The following KHDC1 variants were observed in gnomAD, a reference collection of about 807,000 sequenced individuals.
KHDC1 encodes KH homology domain-containing protein 1.
KHDC1 carries 21 observed loss-of-function variants against 24.7 expected under a neutral mutation model. That is an observed-to-expected ratio of 0.85 (90% CI 0.60 to 1.23). The LOEUF (loss-of-function observed/expected upper bound fraction) is 1.23. KHDC1 is among the 50% of genes most tolerant of loss of function. The probability of loss-of-function intolerance (pLI) is 0.00; values close to 1 mark genes in which losing one functional copy is unlikely to be tolerated. For synonymous variants in KHDC1, 98 were observed against 111.7 expected, an observed-to-expected ratio of 0.88 and a Z score of 0.77; for missense variants, 274 against 298.5, an observed-to-expected ratio of 0.92 and a Z score of 0.61.
chr6:73,258,428 G>A (rs918749560), intron 2 of KHDC1, among the ~76,000 whole-genome samples: 3 of 151,946 alleles, frequency 2.0e-5, no homozygotes, highest in East Asian at 1.9e-4. Flanking sequence ...AGGTGACAGA[G>A]AGAGACCCTG....
intron 2 of KHDC1, among the ~76,000 whole-genome samples, chr6:73,281,242 G>GCTACT (rs1767400251): frequency 6.6e-6 from 1 of 152,028 alleles, no homozygotes; most frequent in Non-Finnish European, 1.5e-5. Flanking sequence ...AGGAGGCTAA[G>GCTACT]GCAGGAGAAT....
intron 2 of KHDC1, among the ~76,000 whole-genome samples, chr6:73,282,690 G>T (rs569174628): frequency 2.3e-4 from 35 of 152,276 alleles, no homozygotes; most frequent in South Asian, 1.0e-3. Flanking sequence ...TGATGGATCA[G>T]CTGGCACCAC....
At chr6:73,244,690 TG>T (rs1174054218) in intron 2 of KHDC1, among the ~76,000 whole-genome samples, 2 of 3,024 alleles carry the variant, frequency 6.6e-4, no homozygotes, top group Non-Finnish European at 1.1e-3. Context: ...TTGGGGGAGG[TG>T]GGCGGGGGGG....
chr6:73,246,211 C>A (rs1425765296), intron 2 of KHDC1, among the ~76,000 whole-genome samples: 2 of 152,090 alleles, frequency 1.3e-5, no homozygotes, highest in Non-Finnish European at 2.9e-5. Flanking sequence ...GCAGGCGCCT[C>A]CACCACTCAG....
chr6:73,282,379 G>T (rs941479783), intron 2 of KHDC1, among the ~76,000 whole-genome samples: 1 of 152,056 alleles, frequency 6.6e-6, no homozygotes, highest in Non-Finnish European at 1.5e-5. Flanking sequence ...GAGTGAAAGA[G>T]AGCTGATCTA....
intron 2 of KHDC1, among the ~76,000 whole-genome samples, chr6:73,246,643 C>A (rs1766670674): frequency 6.6e-6 from 1 of 152,134 alleles, no homozygotes; most frequent in Non-Finnish European, 1.5e-5. Flanking sequence ...AGTTATATGC[C>A]AGTCTATAAA....
In KHDC1 at chr6:73,293,862, C is replaced by T. The variant is rs112736636; in HGVS notation, c.164-1822G>A. The stretch of plus-strand genomic sequence containing the variant: ...TCTCTACAAAAACACAAAAATTAGC[C>T]GGGCATGATGGTGCGCACCTGTAAT... On this transcript the variant is annotated intron_variant, in intron 1 of 4. Coordinates refer to ENST00000370384, the Ensembl canonical transcript of KHDC1. 2.9e-3 allele frequency among the ~76,000 whole-genome samples: 444 copies of T among 151,930 alleles called. 2 individuals are homozygous for T. The highest frequency in any genetic ancestry group is 9.7e-3 in the African/African-American group (404 of 41,444).
At chr6:73,241,523 C>T (rs767550112) in exon 5 of KHDC1, 1 of 1,613,368 alleles carries the variant, frequency 6.2e-7, no homozygotes, top group African/African-American at 1.3e-5. Flanking sequence ...GGAGATCAGT[C>T]CTTAATTACG....
chr6:73,299,349 G>GTT (rs1767820312), intron 1 of KHDC1: 1 of 152,266 alleles, frequency 6.6e-6, no homozygotes, highest in African/African-American at 2.4e-5. Context: ...CGCCTCCGAC[G>GTT]ACCAGCAGCC....
At chr6:73,261,642 G>A (rs1202710668) in intron 2 of KHDC1, among the ~76,000 whole-genome samples, 1 of 151,502 alleles carries the variant, frequency 6.6e-6, no homozygotes, top group Non-Finnish European at 1.5e-5. Context: ...GGCTGGGAGT[G>A]GTGGCTCACG....
chr6:73,252,658 A>G (rs1258313794), intron 2 of KHDC1, among the ~76,000 whole-genome samples: 1 of 152,098 alleles, frequency 6.6e-6, no homozygotes. Context: ...AAAAGATAAA[A>G]AAAAAAAAAT....
chr6:73,283,132 T>G (rs1767445328), intron 2 of KHDC1, among the ~76,000 whole-genome samples: 1 of 152,176 alleles, frequency 6.6e-6, no homozygotes, highest in African/African-American at 2.4e-5. Flanking sequence ...CATACCTTCC[T>G]TTTCCTTATT....
intron 2 of KHDC1, chr6:73,268,168 A>C (rs1767108851): frequency 6.5e-6 from 1 of 152,892 alleles, no homozygotes; most frequent in Non-Finnish European, 1.4e-5. Flanking sequence ...TTATGTTTGG[A>C]TGTGTTCGGA....
chr6:73,270,629 C>T (rs1226018184), intron 2 of KHDC1: 4 of 152,040 alleles, frequency 2.6e-5, no homozygotes, highest in East Asian at 1.9e-4. Flanking sequence ...ATATCAACAC[C>T]CTCTTCACTT....
intron 1 of KHDC1, among the ~76,000 whole-genome samples, chr6:73,294,702 G>A (rs1426864412): frequency 6.6e-6 from 1 of 152,076 alleles, no homozygotes; most frequent in East Asian, 1.9e-4. Context: ...ATATAGTTTG[G>A]ATATGTGTAC....
exon 5 of KHDC1, chr6:73,241,642 C>A: frequency 6.2e-7 from 1 of 1,614,170 alleles, no homozygotes; most frequent in South Asian, 1.1e-5. Flanking sequence ...AAAGACAGGT[C>A]TCCAGTGTAT....
chr6:73,291,902 C>T lies in KHDC1; in HGVS notation c.206+96G>A, dbSNP rs555826826. Reference sequence around the variant, plus strand: ...TTCATGTAACAAGCCTGCACATGCACCTCCTGAATCTATTTTTAAAAATTT... The same window carrying T: ...TTCATGTAACAAGCCTGCACATGCATCTCCTGAATCTATTTTTAAAAATTT... On this transcript the variant is annotated intron_variant, in intron 2 of 4. Transcript: ENST00000370384. 2.2e-6 allele frequency: 3 copies of T among 1,351,972 alleles called. No individual in the cohort carries two copies. The African/African-American group carries it at 4.4e-5, about 20-fold the overall frequency. The allele number at this position is 1,351,972 out of a possible 1,614,324, so 83.7% of individuals were successfully genotyped here.
At chr6:73,255,015 A>G (rs1766856331) in intron 2 of KHDC1, among the ~76,000 whole-genome samples, 1 of 151,970 alleles carries the variant, frequency 6.6e-6, no homozygotes, top group African/African-American at 2.4e-5. Flanking sequence ...AAAGAAAAAA[A>G]AAAAAGAAAC....
intron 2 of KHDC1, among the ~76,000 whole-genome samples, chr6:73,265,936 G>GC (rs992256481): frequency 4.0e-5 from 6 of 151,792 alleles, no homozygotes; most frequent in African/African-American, 1.5e-4. Flanking sequence ...CTTTTTTTTG[G>GC]GGGGAGACGA....
Sources: gnomAD v4.1 joint callset for allele counts (sites outside exome capture counted in the v4.1 genomes callset) on GRCh38, gnomAD v4.1.1 for gene constraint, MANE v1.5 for transcripts, NCBI Gene and HGNC (gene_info 2026-07-23, HGNC 2026-07-21) for gene names.